The following ADAD1 variants were observed in gnomAD, a reference collection of about 807,000 sequenced individuals.
The protein encoded by ADAD1 is adenosine deaminase domain-containing protein 1.
ADAD1 carries 46 observed loss-of-function variants against 66.8 expected under a neutral mutation model. That is an observed-to-expected ratio of 0.69 (90% CI 0.54 to 0.88). ADAD1 has a LOEUF of 0.88. Among genes scored for constraint, ADAD1 ranks in the 40% least tolerant of loss-of-function variants. The pLI is 0.00. For missense variants in ADAD1, 617 were observed against 681.8 expected (o/e 0.91, Z 1.06); for synonymous variants, 248 against 229.4 (o/e 1.08, Z -0.73).
At chr4:122,402,490 T>C (rs1796025382) in intron 7 of ADAD1, among the ~76,000 whole-genome samples, 1 of 152,206 alleles carries the variant, frequency 6.6e-6, no homozygotes, top group Non-Finnish European at 1.5e-5. Flanking sequence ...GATCTTTTTG[T>C]GATGAATTTC....
intron 11 of ADAD1, among the ~76,000 whole-genome samples, chr4:122,419,421 T>G (rs1796906953): frequency 6.6e-6 from 1 of 152,156 alleles, no homozygotes; most frequent in Non-Finnish European, 1.5e-5. Context: ...GAAAAATAAC[T>G]AATGAATACT....
At chr4:122,419,200 A>G (rs1796894742) in intron 11 of ADAD1, among the ~76,000 whole-genome samples, 1 of 152,244 alleles carries the variant, frequency 6.6e-6, no homozygotes, top group South Asian at 2.1e-4. Flanking sequence ...ATGCAGACAT[A>G]AAAAAGAATG....
At chr4:122,396,764 T>G (rs1286748025) in intron 7 of ADAD1, among the ~76,000 whole-genome samples, 2 of 152,230 alleles carry the variant, frequency 1.3e-5, no homozygotes, top group Non-Finnish European at 2.9e-5. Flanking sequence ...GTGTTAACGC[T>G]TTAATGTTCT....
At chr4:122,411,783 A>G (rs1325339265) in intron 9 of ADAD1, among the ~76,000 whole-genome samples, 1 of 152,200 alleles carries the variant, frequency 6.6e-6, no homozygotes, top group African/African-American at 2.4e-5. Context: ...TCTAGTTCCA[A>G]GCATTTTAGA....
chr4:122,408,474 C>T (rs1298468445), intron 8 of ADAD1, among the ~76,000 whole-genome samples: 1 of 152,186 alleles, frequency 6.6e-6, no homozygotes, highest in Non-Finnish European at 1.5e-5. Flanking sequence ...CAAGGTTTCA[C>T]CATGTTGGTC....
intron 5 of ADAD1, among the ~76,000 whole-genome samples, chr4:122,390,252 T>C (rs1475549899): frequency 6.6e-6 from 1 of 152,206 alleles, no homozygotes; most frequent in East Asian, 1.9e-4. Flanking sequence ...AGTTTCCCTT[T>C]GTAGGTGACC....
intron 5 of ADAD1, among the ~76,000 whole-genome samples, chr4:122,390,667 T>C (rs1327565146): frequency 6.6e-6 from 1 of 152,234 alleles, no homozygotes; most frequent in Non-Finnish European, 1.5e-5. Flanking sequence ...TTGTGTATGC[T>C]TCACAAAGTT....
chr4:122,381,250 G>C (rs2150525315), intron 4 of ADAD1, 70 bp downstream of exon 4: 3 of 1,409,590 alleles, frequency 2.1e-6, no homozygotes, highest in East Asian at 5.1e-5. Context: ...GCTAAGTTTA[G>C]TTCTTTCTTC....
intron 6 of ADAD1, among the ~76,000 whole-genome samples, chr4:122,395,094 AGGCTG>A (rs1795634167): frequency 6.6e-6 from 1 of 152,074 alleles, no homozygotes; most frequent in Non-Finnish European, 1.5e-5. Flanking sequence ...CTTGTCGCCC[AGGCTG>A]GAGTGCAGTG....
intron 11 of ADAD1, 97 bp from the exon 12 acceptor site, chr4:122,421,161 CAAG>C: frequency 1.1e-6 from 1 of 936,722 alleles, no homozygotes; most frequent in Non-Finnish European, 1.4e-6. Flanking sequence ...TGCAAATAAT[CAAG>C]AAATATTTTG....
At position 122,407,927 on chromosome 4, in the gene ADAD1, A is replaced by T; in HGVS notation, c.744A>T (p.Val248=). 6.2e-7 allele frequency: 1 copy of T among 1,613,514 alleles called. No homozygotes were observed. The highest frequency in any genetic ancestry group is 8.5e-7 in the Non-Finnish European group (1 of 1,179,646). The change falls in exon 8 of 13, where the codon GTA becomes GTT. Residue 248 remains valine, a synonymous_variant. Coordinates refer to ENST00000296513, the MANE Select transcript of ADAD1 (RefSeq NM_139243.4). The part of the protein sequence containing the change: ...IIERAGQHEV[V]AIGTGEYNYS... ...TTTCAGCTGGACAACATGAGGTTGT[A>T]GCTATAGGCACAGGTGAATACAATT... is the stretch of plus-strand genomic sequence containing the variant.
chr4:122,409,252 T>G lies in ADAD1; in HGVS notation c.848+1221T>G, dbSNP rs140229070. On this transcript the variant is annotated intron_variant, in intron 8 of 12. Coordinates refer to ENST00000296513, the MANE Select transcript of ADAD1 (RefSeq NM_139243.4). ...GAAAGAAAGGAATTTGCAAGTCACTTCATATGAAAACATGTAAAATGGGAA... is the reference window on the plus strand; with the variant it reads ...GAAAGAAAGGAATTTGCAAGTCACTGCATATGAAAACATGTAAAATGGGAA... Among the ~76,000 whole-genome samples, 1,500 of 152,316 alleles carry G rather than the reference T, an allele frequency of 9.8e-3. 24 individuals are homozygous for G. The highest frequency in any genetic ancestry group is 0.034 in the African/African-American group (1,393 of 41,566).
At chr4:122,386,961 A>G (rs1561532089) in intron 5 of ADAD1, among the ~76,000 whole-genome samples, 2 of 152,220 alleles carry the variant, frequency 1.3e-5, no homozygotes, top group Non-Finnish European at 2.9e-5. Context: ...GTTTGAAGTC[A>G]GGTAGCATGA....
intron 3 of ADAD1, 98 bp downstream of exon 3, chr4:122,380,339 G>A (rs1231946767): frequency 7.1e-7 from 1 of 1,413,462 alleles, no homozygotes; most frequent in Non-Finnish European, 9.6e-7. Context: ...TTTCGTGGTT[G>A]TATAGACATT....
intron 7 of ADAD1, among the ~76,000 whole-genome samples, chr4:122,400,175 G>A (rs1248226471): frequency 1.3e-5 from 2 of 152,074 alleles, no homozygotes; most frequent in Non-Finnish European, 2.9e-5. Context: ...CTTAAGGTAT[G>A]TCCCTCCTAT....
chr4:122,384,947 G>C (rs1795091580), intron 5 of ADAD1, among the ~76,000 whole-genome samples: 1 of 152,070 alleles, frequency 6.6e-6, no homozygotes, highest in South Asian at 2.1e-4. Context: ...ACAACTAAAA[G>C]TTCTTTAACG....
intron 12 of ADAD1, among the ~76,000 whole-genome samples, chr4:122,426,979 G>C (rs994068441): frequency 1.3e-5 from 2 of 152,130 alleles, no homozygotes; most frequent in Admixed American, 1.3e-4. Flanking sequence ...CTGTTCTCTA[G>C]GTCCTAGCCA....
At chr4:122,424,957 A>G (rs1428288323) in intron 12 of ADAD1, among the ~76,000 whole-genome samples, 1 of 152,136 alleles carries the variant, frequency 6.6e-6, no homozygotes. Context: ...AAGAGGAGAA[A>G]TATTGCTAGA....
intron 10 of ADAD1, among the ~76,000 whole-genome samples, chr4:122,413,414 T>C (rs918319547): frequency 2.6e-5 from 4 of 152,158 alleles, no homozygotes; most frequent in Non-Finnish European, 4.4e-5. Flanking sequence ...CAGAACTATT[T>C]AGATAGAGTA....
Sources: allele counts gnomAD v4.1 joint callset (sites outside exome capture counted in the v4.1 genomes callset), GRCh38; gene constraint gnomAD v4.1.1; transcripts MANE v1.5; gene names NCBI Gene and HGNC (gene_info 2026-07-23, HGNC 2026-07-21).